Variants in PEX19 observed in about 807,000 individuals in gnomAD.
PEX19 encodes the protein peroxisomal biogenesis factor 19.
Under a neutral mutation model 36.3 loss-of-function variants are expected in PEX19, and 29 were observed. The ratio of observed to expected loss-of-function variants is 0.80; its 90% CI spans 0.60 to 1.09. The LOEUF is 1.09. Ranked by LOEUF, PEX19 falls within the 50% of genes least tolerant of loss-of-function variation. PEX19 has a pLI of 0.00. For missense variants in PEX19, 396 were observed against 368.1 expected (o/e 1.08, Z -0.62); for synonymous variants, 141 against 135.2 (o/e 1.04, Z -0.30).
Position 160,278,631 on chromosome 1 carries a change from T to A in PEX19, c.*920A>T. On this transcript the variant is annotated 3_prime_UTR_variant, in exon 8 of 8. Coordinates refer to ENST00000368072, the MANE Select transcript of PEX19 (RefSeq NM_002857.4). ...TGTATCTCAAATAAGCCAGAATGTA[T>A]CTGGGGAAGAATAGCCATTAATTTC... The A allele has an allele frequency of 2.2e-6, 1 of 454,528 alleles. No individual in the cohort carries two copies. Among genetic ancestry groups the A allele is most frequent in the South Asian group, 1.6e-5 (1 of 64,476 alleles). 28.2% of individuals were successfully genotyped at this position (454,528 alleles called of 1,614,324 possible). A position where few individuals can be genotyped will look rare whatever the true frequency, so the allele number is the denominator to read the frequency against.
intron 5 of PEX19, among the ~76,000 whole-genome samples, chr1:160,281,696 A>G (rs1657777836): frequency 6.6e-6 from 1 of 152,230 alleles, no homozygotes; most frequent in African/African-American, 2.4e-5. Context: ...ATGAGCCACC[A>G]TGCCCAGCCA....
At position 160,283,109 on chromosome 1, in the gene PEX19, C is replaced by T. The variant is rs1364910260; in HGVS notation, c.181G>A (p.Asp61Asn). The change falls in exon 3 of 8, where the codon GAT becomes AAT. Residue 61 changes from aspartate to asparagine, a missense_variant and splice_region_variant. Coordinates refer to ENST00000368072, the MANE Select transcript of PEX19 (RefSeq NM_002857.4). ...QKRSPGDTAKDALFASQEKFF... is the reference protein window; with the variant it reads ...QKRSPGDTAKNALFASQEKFF... ...TTCTCTTGGGAAGCGAAGAGGGCATCCTGCGGGGGAAGGATGGCTGAAATG... is the reference window on the plus strand; with the variant it reads ...TTCTCTTGGGAAGCGAAGAGGGCATTCTGCGGGGGAAGGATGGCTGAAATG... The T allele has an allele frequency of 1.2e-6, 2 of 1,613,178 alleles. No individual in the cohort carries two copies. Among genetic ancestry groups the T allele is most frequent in the Non-Finnish European group, 1.7e-6 (2 of 1,180,020 alleles).
Position 160,278,458 on chromosome 1 carries a change from G to A in PEX19, c.*1093C>T. ...CACTCTGCAACTTACGGAAGCTGAG[G>A]AAGATCAGAAAAAGACCACACTCCT... On this transcript the variant is annotated 3_prime_UTR_variant, in exon 8 of 8. Transcript: ENST00000368072. 7.2e-6 allele frequency: 4 copies of A among 557,154 alleles called. No individual in the cohort carries two copies. The highest frequency in any genetic ancestry group is 1.4e-5 in the Non-Finnish European group (4 of 295,494). 34.5% of individuals were successfully genotyped at this position (557,154 alleles called of 1,614,324 possible).
In PEX19 at chr1:160,278,420, T is replaced by C; in HGVS notation, c.*1131A>G. The C allele has an allele frequency of 1.6e-6, 1 of 628,670 alleles. No individual in the cohort carries two copies. The highest frequency in any genetic ancestry group is 2.9e-6 in the Non-Finnish European group (1 of 341,246). The allele number at this position is 628,670 out of a possible 1,614,324, so 38.9% of individuals were successfully genotyped here. A position where few individuals can be genotyped will look rare whatever the true frequency, so the allele number is the denominator to read the frequency against. The stretch of plus-strand genomic sequence containing the variant: ...ATTACAATATTGTGTAGAACTAGTC[T>C]CCTAATATACCTCACTCTGCAACTT... On this transcript the variant is annotated 3_prime_UTR_variant, in exon 8 of 8. Transcript: ENST00000368072.
At chr1:160,284,083 C>G (rs967030176) in intron 1 of PEX19, 13 of 471,846 alleles carry the variant, frequency 2.8e-5, no homozygotes, top group Non-Finnish European at 5.3e-5. Context: ...ACATCCCACC[C>G]AGCTTCCTGT....
intron 2 of PEX19, 48 bp downstream of exon 2, chr1:160,283,482 G>T: frequency 7.3e-7 from 1 of 1,374,824 alleles, no homozygotes; most frequent in Non-Finnish European, 1.0e-6. Flanking sequence ...TCTGCTCAGG[G>T]CTGCATGCCC....
chr1:160,277,491 A>G lies in PEX19; in HGVS notation c.*2060T>C, dbSNP rs114489059. The G allele has an allele frequency of 2.1e-3, 951 of 455,956 alleles. 8 individuals are homozygous for G. Among genetic ancestry groups the G allele is most frequent in the African/African-American group, 0.017 (831 of 50,212 alleles). The allele number at this position is 455,956 out of a possible 1,614,324, so 28.2% of individuals were successfully genotyped here. A position where few individuals can be genotyped will look rare whatever the true frequency, so the allele number is the denominator to read the frequency against. On this transcript the variant is annotated 3_prime_UTR_variant, in exon 8 of 8. Transcript: ENST00000368072. ...TTGAGAAAGACTGCCCTAGAGTACC[A>G]TAACTCCACCACAAGTCCTGGAATA...
Sources: gnomAD v4.1 joint callset for allele counts (sites outside exome capture counted in the v4.1 genomes callset) on GRCh38, gnomAD v4.1.1 for gene constraint, MANE v1.5 for transcripts, NCBI Gene and HGNC (gene_info 2026-07-23, HGNC 2026-07-21) for gene names.